Variants in FOXD2 observed in about 807,000 individuals in gnomAD.
The protein encoded by FOXD2 is forkhead box protein D2.
A neutral mutation model predicts 6.4 loss-of-function variants in FOXD2; 4 were observed. The ratio of observed to expected loss-of-function variants is 0.62; its 90% CI spans 0.31 to 1.42. The LOEUF is 1.42. Among genes scored for constraint, FOXD2 ranks in the 40% most tolerant of loss-of-function variants. FOXD2 has a pLI of 0.08. For synonymous variants in FOXD2, 393 were observed against 373.6 expected (o/e 1.05, Z -0.60); for missense variants, 709 against 766.8 (o/e 0.92, Z 0.89).
At position 47,439,518 on chromosome 1, in the gene FOXD2, T is replaced by TC; in HGVS notation, c.1386dup (p.Val463ArgfsTer29). ...CCATGCTGACTGCTCCGGCCCTGGC[T>TC]CCCGTTGCTGGCCACATTCGCCTCT... On this transcript the variant is annotated frameshift_variant, in exon 1 of 1. Coordinates refer to ENST00000334793, the MANE Select transcript of FOXD2 (RefSeq NM_004474.4). LOFTEE classifies it high-confidence loss of function. The TC allele has an allele frequency of 6.4e-7, 1 of 1,551,436 alleles. No homozygotes were observed. The highest frequency in any genetic ancestry group is 8.7e-7 in the Non-Finnish European group (1 of 1,148,544).
Position 47,439,560 on chromosome 1 carries a change from G to T in FOXD2, c.1425G>T (p.Ala475=), listed in dbSNP as rs1171955410. The change falls in exon 1 of 1, where the codon GCG becomes GCT. Residue 475 remains alanine, a synonymous_variant. Transcript: ENST00000334793. Reference sequence around the variant, plus strand: ...TTCGCCTCTCGCATCCCGGGGACGCGCTGCTGTCCTCAGGGTCCCGGTTTG... The same window carrying T: ...TTCGCCTCTCGCATCCCGGGGACGCTCTGCTGTCCTCAGGGTCCCGGTTTG... ...GHIRLSHPGD[A]LLSSGSRFAS... is the part of the protein sequence containing the mutation. 2 of 1,555,278 alleles carry T rather than the reference G, an allele frequency of 1.3e-6. No homozygotes were observed. The highest frequency in any genetic ancestry group is 1.9e-5 in the Admixed American group (1 of 51,690).
chr1:47,439,070 C>A lies in FOXD2; in HGVS notation c.935C>A (p.Pro312Gln), dbSNP rs1040332167. The change falls in exon 1 of 1, where the codon CCA (proline) becomes CAA (glutamine). Residue 312 changes from proline (P) to glutamine (Q), a missense_variant. By Grantham distance (76) the Pro-to-Gln change is moderately conservative. Transcript: ENST00000334793. ...GCTCCTTGCCAGCTGTCGGTACCCC[C>A]AGGCCGCGCCGCCGCGCCTCCACCC... ...AAAPCQLSVPPGRAAAPPPGP... is the reference protein window; with the variant it reads ...AAAPCQLSVPQGRAAAPPPGP... 6.9e-7 allele frequency: 1 copy of A among 1,448,640 alleles called. No individual in the cohort carries two copies. Among genetic ancestry groups the A allele is most frequent in the African/African-American group, 1.5e-5 (1 of 67,552 alleles). 89.7% of individuals were successfully genotyped at this position (1,448,640 alleles called of 1,614,324 possible). A position where few individuals can be genotyped will look rare whatever the true frequency, so the allele number is the denominator to read the frequency against.
chr1:47,439,363 C>A lies in FOXD2; in HGVS notation c.1228C>A (p.Pro410Thr). 6.6e-7 allele frequency: 1 copy of A among 1,513,988 alleles called. No individual in the cohort carries two copies. The highest frequency in any genetic ancestry group is 8.7e-7 in the Non-Finnish European group (1 of 1,144,716). 93.8% of individuals were successfully genotyped at this position (1,513,988 alleles called of 1,614,324 possible). A position where few individuals can be genotyped will look rare whatever the true frequency, so the allele number is the denominator to read the frequency against. The change falls in exon 1 of 1, where the codon CCT (proline) becomes ACT (threonine). Residue 410 changes from proline to threonine, a missense_variant. Physicochemically the swap from Pro to Thr is conservative, Grantham distance 38 (BLOSUM62 -1). Coordinates refer to ENST00000334793, the MANE Select transcript of FOXD2 (RefSeq NM_004474.4). ...CGGGGGCGCCGGGGCAGGGCAGAGG[C>A]CTTCCTTCTCTATAGACCACATCAT... is the stretch of plus-strand genomic sequence containing the variant. ...GGGGAGAGQR[P>T]SFSIDHIMGH...
chr1:47,439,427 G>T lies in FOXD2; in HGVS notation c.1292G>T (p.Gly431Val). Residue 431 changes from glycine (G) to valine (V), a missense_variant, in exon 1 of 1, where the codon GGC becomes GTC. Physicochemically the swap from Gly to Val is moderately radical, Grantham distance 109 (BLOSUM62 -3). Transcript: ENST00000334793. The part of the protein sequence containing the change: ...GGGGAAPPGA[G>V]EGSPGPPFAA... Reference sequence around the variant, plus strand: ...GGCGGGGCAGCACCCCCGGGCGCCGGCGAGGGCTCTCCGGGACCGCCATTC... The same window carrying T: ...GGCGGGGCAGCACCCCCGGGCGCCGTCGAGGGCTCTCCGGGACCGCCATTC... 1 of 1,540,062 alleles carries T rather than the reference G, an allele frequency of 6.5e-7. No homozygotes were observed.
chr1:47,439,460 C>A lies in FOXD2; in HGVS notation c.1325C>A (p.Ala442Asp). The change falls in exon 1 of 1, where the codon GCC becomes GAC. Residue 442 changes from alanine to aspartate, a missense_variant. Transcript: ENST00000334793. ...EGSPGPPFAAAAGPGGQAQVL... is the reference protein window; with the variant it reads ...EGSPGPPFAADAGPGGQAQVL... ...TCTCCGGGACCGCCATTCGCGGCAGCCGCGGGTCCTGGGGGCCAAGCCCAG... is the reference window on the plus strand; with the variant it reads ...TCTCCGGGACCGCCATTCGCGGCAGACGCGGGTCCTGGGGGCCAAGCCCAG... 1 of 1,543,208 alleles carries A rather than the reference C, an allele frequency of 6.5e-7. No individual in the cohort carries two copies. The highest frequency in any genetic ancestry group is 1.9e-4 in the Middle Eastern group (1 of 5,314).
At position 47,438,679 on chromosome 1, in the gene FOXD2, A is replaced by T. The variant is rs776469779; in HGVS notation, c.544A>T (p.Asn182Tyr). The change falls in exon 1 of 1, where the codon AAC (asparagine) becomes TAC (tyrosine). Residue 182 changes from asparagine to tyrosine, a missense_variant. Transcript: ENST00000334793. The stretch of plus-strand genomic sequence containing the variant: ...CAGCATCCGCCACAACCTCTCTCTC[A>T]ACGACTGCTTCGTCAAGATCCCCCG... ...QNSIRHNLSL[N>Y]DCFVKIPREP... The T allele has an allele frequency of 6.2e-7, 1 of 1,613,972 alleles. No individual in the cohort carries two copies. Among genetic ancestry groups the T allele is most frequent in the Non-Finnish European group, 8.5e-7 (1 of 1,179,950 alleles).
chr1:47,438,274 G>GC lies in FOXD2; in HGVS notation c.145dup (p.Arg49ProfsTer443). 7 of 1,354,892 alleles carry GC rather than the reference G, an allele frequency of 5.2e-6. No individual in the cohort carries two copies. In the South Asian group the frequency reaches 5.3e-5, roughly 10 times the overall value. 83.9% of individuals were successfully genotyped at this position (1,354,892 alleles called of 1,614,324 possible). A position where few individuals can be genotyped will look rare whatever the true frequency, so the allele number is the denominator to read the frequency against. ...GCTCCCAGCTCGCTCCGGGCCCCGCGCCCCCCGGGACGTGCTCCCCCACGG... is the reference window on the plus strand; with the variant it reads ...GCTCCCAGCTCGCTCCGGGCCCCGCGCCCCCCCGGGACGTGCTCCCCCACGG... On this transcript the variant is annotated frameshift_variant, in exon 1 of 1. Coordinates refer to ENST00000334793, the MANE Select transcript of FOXD2 (RefSeq NM_004474.4). LOFTEE classifies it low-confidence loss of function (END_TRUNC).
rs753368030 is a variant in FOXD2, at chr1:47,438,854, A to AGCT, written c.728_730dup (p.Leu243dup). 1 of 1,606,742 alleles carries AGCT rather than the reference A, an allele frequency of 6.2e-7. No homozygotes were observed. Among genetic ancestry groups the AGCT allele is most frequent in the Non-Finnish European group, 8.5e-7 (1 of 1,177,500 alleles). ...CACCCACACCCGCACCCTCACCCGGAGCTGCTGCTGCGTGGCGGGGCCGCG... is the reference window on the plus strand; with the variant it reads ...CACCCACACCCGCACCCTCACCCGGAGCTGCTGCTGCTGCGTGGCGGGGCCGCG... On this transcript the variant is annotated inframe_insertion, in exon 1 of 1. Coordinates refer to ENST00000334793, the MANE Select transcript of FOXD2 (RefSeq NM_004474.4).
rs1014025667 is a variant in FOXD2 at position 47,438,083 on chromosome 1, G to T, written c.-53G>T. The T allele has an allele frequency of 4.5e-6, 6 of 1,323,602 alleles. No individual in the cohort carries two copies. Among genetic ancestry groups the T allele is most frequent in the East Asian group, 6.2e-5 (2 of 32,058 alleles). The allele number at this position is 1,323,602 out of a possible 1,614,324, so 82.0% of individuals were successfully genotyped here. On this transcript the variant is annotated 5_prime_UTR_variant, in exon 1 of 1. Transcript: ENST00000334793. The stretch of plus-strand genomic sequence containing the variant: ...CCCCAGAGGCAGCGCGGCCGAGCCC[G>T]AGCCGCTGCCGGAGCGGAGCCGGAG...
chr1:47,438,318 GGAAGCCGAGGCA>G lies in FOXD2; in HGVS notation c.186_197del (p.Glu62_Ala65del). ...CCCACGGCCACGAGCCTCCCGCGGA[GGAAGCCGAGGCA>G]GACTTAGCCGAGGACGAGGAGGAGT... On this transcript the variant is annotated inframe_deletion, in exon 1 of 1. Transcript: ENST00000334793. 7.7e-7 allele frequency: 1 copy of G among 1,301,250 alleles called. No individual in the cohort carries two copies. The highest frequency in any genetic ancestry group is 4.1e-5 in the Admixed American group (1 of 24,158). 80.6% of individuals were successfully genotyped at this position (1,301,250 alleles called of 1,614,324 possible). A position where few individuals can be genotyped will look rare whatever the true frequency, so the allele number is the denominator to read the frequency against.
chr1:47,438,240 C>T lies in FOXD2; in HGVS notation c.105C>T (p.Gly35=). 1 of 1,391,232 alleles carries T rather than the reference C, an allele frequency of 7.2e-7. No homozygotes were observed. Among genetic ancestry groups the T allele is most frequent in the Non-Finnish European group, 9.3e-7 (1 of 1,076,660 alleles). 86.2% of individuals were successfully genotyped at this position (1,391,232 alleles called of 1,614,324 possible). A position where few individuals can be genotyped will look rare whatever the true frequency, so the allele number is the denominator to read the frequency against. The part of the protein sequence containing the change: ...ADIDVVGGGS[G]GGELPARSGP... ...TAGACGTGGTGGGCGGCGGCAGCGG[C>T]GGGGGGGAGCTCCCAGCTCGCTCCG... Residue 35 remains glycine, a synonymous_variant, in exon 1 of 1, where the codon GGC becomes GGT. Coordinates refer to ENST00000334793, the MANE Select transcript of FOXD2 (RefSeq NM_004474.4).
chr1:47,438,872 G>C lies in FOXD2; in HGVS notation c.737G>C (p.Gly246Ala). 7 of 1,584,384 alleles carry C rather than the reference G, an allele frequency of 4.4e-6. No homozygotes were observed. The highest frequency in any genetic ancestry group is 6.0e-6 in the Non-Finnish European group (7 of 1,166,550). Residue 246 changes from glycine (G) to alanine (A), a missense_variant, in exon 1 of 1, where the codon GGG becomes GCG. Physicochemically the swap from Gly to Ala is moderately conservative, Grantham distance 60 (BLOSUM62 0). This residue lies in a region of FOXD2 where 98 missense variants were observed against 91.0 expected (regional missense o/e 1.08). Transcript: ENST00000334793. ...HPHPELLLRG[G>A]AAAAGDPGAF... is the part of the protein sequence containing the mutation. ...CACCCGGAGCTGCTGCTGCGTGGCGGGGCCGCGGCGGCGGGGGATCCCGGC... is the reference window on the plus strand; with the variant it reads ...CACCCGGAGCTGCTGCTGCGTGGCGCGGCCGCGGCGGCGGGGGATCCCGGC...
Position 47,440,489 on chromosome 1 carries a change from C to CA in FOXD2, c.*867dup, listed in dbSNP as rs2124087369. ...GAGTGGGCAAGGGCACACCCTGTGG[C>CA]AGGGGGTCCTATAATTTTGTGTAAA... On this transcript the variant is annotated 3_prime_UTR_variant, in exon 1 of 1. Transcript: ENST00000334793. 6.0e-6 allele frequency: 1 copy of CA among 167,180 alleles called. No individual in the cohort carries two copies. The highest frequency in any genetic ancestry group is 2.4e-5 in the African/African-American group (1 of 41,548). The allele number at this position is 167,180 out of a possible 1,614,324, so 10.4% of individuals were successfully genotyped here. A position where few individuals can be genotyped will look rare whatever the true frequency, so the allele number is the denominator to read the frequency against.
At position 47,438,469 on chromosome 1, in the gene FOXD2, C is replaced by G; in HGVS notation, c.334C>G (p.Pro112Ala). ...GGCCCGCGGCGCAGCGGGGCCCGGG[C>G]CGGGACCGCCGTCGGGGGGCGCGGC... ...AAARGAAGPG[P>A]GPPSGGAATR... Residue 112 changes from proline (P) to alanine (A), a missense_variant, in exon 1 of 1, where the codon CCG (proline) becomes GCG (alanine). By Grantham distance (27) the Pro-to-Ala change is conservative. Coordinates refer to ENST00000334793, the MANE Select transcript of FOXD2 (RefSeq NM_004474.4). 1 of 1,498,528 alleles carries G rather than the reference C, an allele frequency of 6.7e-7. No homozygotes were observed. Among genetic ancestry groups the G allele is most frequent in the Middle Eastern group, 2.4e-4 (1 of 4,128 alleles). 92.8% of individuals were successfully genotyped at this position (1,498,528 alleles called of 1,614,324 possible).
At position 47,438,560 on chromosome 1, in the gene FOXD2, A is replaced by G. The variant is rs758818690; in HGVS notation, c.425A>G (p.Gln142Arg). Residue 142 changes from glutamine to arginine, a missense_variant, in exon 1 of 1, where the codon CAG becomes CGG. By Grantham distance (43) the Gln-to-Arg change is conservative. Around this residue, in one of 5 missense-constraint regions of FOXD2, gnomAD observed 69 missense variants for 145.6 expected, o/e 0.47. Transcript: ENST00000334793. ...YIALITMAILQSPKKRLTLSE... is the reference protein window; with the variant it reads ...YIALITMAILRSPKKRLTLSE... ...GCGCTCATCACCATGGCCATCCTGC[A>G]GAGCCCCAAGAAGCGGCTGACGTTG... 3 of 1,613,594 alleles carry G rather than the reference A, an allele frequency of 1.9e-6. No individual in the cohort carries two copies. The highest frequency in any genetic ancestry group is 1.7e-5 in the Admixed American group (1 of 59,980).
chr1:47,440,194 C>G lies in FOXD2; in HGVS notation c.*571C>G, dbSNP rs1431007986. On this transcript the variant is annotated 3_prime_UTR_variant, in exon 1 of 1. Coordinates refer to ENST00000334793, the MANE Select transcript of FOXD2 (RefSeq NM_004474.4). Reference sequence around the variant, plus strand: ...TAAACCAGTGTCTACGCAGGCGGAGCTGAACGGAGAGGTGAAGCAGGGGGT... The same window carrying G: ...TAAACCAGTGTCTACGCAGGCGGAGGTGAACGGAGAGGTGAAGCAGGGGGT... 6.3e-6 allele frequency: 1 copy of G among 159,478 alleles called. No individual in the cohort carries two copies. Among genetic ancestry groups the G allele is most frequent in the African/African-American group, 2.6e-5 (1 of 38,196 alleles). 9.9% of individuals were successfully genotyped at this position (159,478 alleles called of 1,614,324 possible). A position where few individuals can be genotyped will look rare whatever the true frequency, so the allele number is the denominator to read the frequency against.
At position 47,438,438 on chromosome 1, in the gene FOXD2, C is replaced by A. The variant is rs977709123; in HGVS notation, c.303C>A (p.Ala101=). 116 of 1,029,560 alleles carry A rather than the reference C, an allele frequency of 1.1e-4. 1 individual carries two copies. The East Asian group carries it at 3.6e-3, about 32-fold the overall frequency. 63.8% of individuals were successfully genotyped at this position (1,029,560 alleles called of 1,614,324 possible). The change falls in exon 1 of 1, where the codon GCC becomes GCA. Residue 101 remains alanine, a synonymous_variant. Coordinates refer to ENST00000334793, the MANE Select transcript of FOXD2 (RefSeq NM_004474.4). ...CAGCGGGGAGCCCGGGGCCAGGCGCCGCGGCGGCCCGCGGCGCAGCGGGGC... is the reference window on the plus strand; with the variant it reads ...CAGCGGGGAGCCCGGGGCCAGGCGCAGCGGCGGCCCGCGGCGCAGCGGGGC... ...AAAAGSPGPG[A]AAARGAAGPG...
rs1646988199 is a variant in FOXD2, at chr1:47,438,566, C to G, written c.431C>G (p.Pro144Arg). Residue 144 changes from proline to arginine, a missense_variant, in exon 1 of 1, where the codon CCC becomes CGC. Around this residue, in one of 5 missense-constraint regions of FOXD2, gnomAD observed 69 missense variants for 145.6 expected, o/e 0.47. Coordinates refer to ENST00000334793, the MANE Select transcript of FOXD2 (RefSeq NM_004474.4). ...ALITMAILQS[P>R]KKRLTLSEIC... is the part of the protein sequence containing the mutation. ...ATCACCATGGCCATCCTGCAGAGCC[C>G]CAAGAAGCGGCTGACGTTGAGCGAG... 6.8e-6 allele frequency: 11 copies of G among 1,613,790 alleles called. No homozygotes were observed. Among genetic ancestry groups the G allele is most frequent in the Non-Finnish European group, 9.3e-6 (11 of 1,179,890 alleles).
In FOXD2 at chr1:47,439,580, G is replaced by T; in HGVS notation, c.1445G>T (p.Arg482Leu). The T allele has an allele frequency of 6.4e-7, 1 of 1,558,214 alleles. No homozygotes were observed. The highest frequency in any genetic ancestry group is 8.7e-7 in the Non-Finnish European group (1 of 1,151,750). The change falls in exon 1 of 1, where the codon CGG (arginine) becomes CTG (leucine). Residue 482 changes from arginine to leucine, a missense_variant. Around this residue, in one of 5 missense-constraint regions of FOXD2, gnomAD observed 322 missense variants for 313.8 expected, o/e 1.03. Coordinates refer to ENST00000334793, the MANE Select transcript of FOXD2 (RefSeq NM_004474.4). ...GACGCGCTGCTGTCCTCAGGGTCCCGGTTTGCCAGCAAAGTCGCCGGCCTT... is the reference window on the plus strand; with the variant it reads ...GACGCGCTGCTGTCCTCAGGGTCCCTGTTTGCCAGCAAAGTCGCCGGCCTT... The part of the protein sequence containing the change: ...PGDALLSSGS[R>L]FASKVAGLSG...
Sources: allele counts gnomAD v4.1 joint callset, GRCh38; gene constraint gnomAD v4.1.1; regional missense constraint gnomAD v4.1.1; transcripts MANE v1.5; gene names NCBI Gene and HGNC (gene_info 2026-07-23, HGNC 2026-07-21).